The following TNS3 variants were observed in gnomAD, a reference collection of about 807,000 sequenced individuals.
The protein encoded by TNS3 is tensin 3, also known as tensin-3.
Under a neutral mutation model 140.9 loss-of-function variants are expected in TNS3, and 45 were observed. The ratio of observed to expected loss-of-function variants is 0.32; its 90% confidence interval spans 0.25 to 0.41. TNS3 has a LOEUF of 0.41. Among genes scored for constraint, TNS3 ranks in the 10% least tolerant of loss-of-function variants. TNS3 has a pLI of 1.00. For missense variants in TNS3, 1,716 were observed against 1,906.7 expected (o/e 0.90, Z 1.86); for synonymous variants, 815 against 788.4 (o/e 1.03, Z -0.56).
At chr7:47,360,739 G>A (rs1211913041) in intron 17 of TNS3, among the ~76,000 whole-genome samples, 3 of 152,152 alleles carry the variant, frequency 2.0e-5, no homozygotes, top group African/African-American at 7.2e-5. Context: ...GTCTATGCCT[G>A]GTGCTGCGGT....
chr7:47,438,346 T>C (rs1208742756), intron 6 of TNS3, among the ~76,000 whole-genome samples: 1 of 151,386 alleles, frequency 6.6e-6, no homozygotes, highest in Non-Finnish European at 1.5e-5. Context: ...CATGGTCTCT[T>C]TGGGGAAGGG....
chr7:47,565,172 G>A (rs1158062434), intron 1 of TNS3, among the ~76,000 whole-genome samples: 1 of 151,798 alleles, frequency 6.6e-6, no homozygotes, highest in African/African-American at 2.4e-5. Flanking sequence ...CCGCCTCCTG[G>A]GTTCACACCA....
Position 47,368,644 on chromosome 7 carries a change from T to C in TNS3, c.2002A>G (p.Arg668Gly), listed in dbSNP as rs778047232. The C allele has an allele frequency of 2.5e-6, 4 of 1,601,152 alleles. No homozygotes were observed. The highest frequency in any genetic ancestry group is 3.4e-5 in the Admixed American group (2 of 59,180). Residue 668 changes from arginine (R) to glycine (G), a missense_variant, in exon 17 of 31, where the codon AGG becomes GGG. Arg to Gly is a moderately radical substitution (Grantham distance 125). Around this residue, in one of 3 missense-constraint regions of TNS3, gnomAD observed 1,163 missense variants for 1,182.1 expected, o/e 0.98. Coordinates refer to ENST00000311160, the MANE Select transcript of TNS3 (RefSeq NM_022748.12). ...QPSPSKAFKP[R>G]FPGDQVVNGA... ...TTCACAACCTGGTCTCCTGGAAACC[T>C]GGGTTTGAACGCTTTGCTGGGAGAG...
chr7:47,369,660 G>T, intron 16 of TNS3, 39 bp from the exon 17 acceptor site: 1 of 1,519,418 alleles, frequency 6.6e-7, no homozygotes, highest in South Asian at 1.3e-5. Context: ...TTCAGTCAGG[G>T]ATGAAAGTGA....
chr7:47,561,046 G>T (rs1338764854), intron 1 of TNS3, among the ~76,000 whole-genome samples: 1 of 152,214 alleles, frequency 6.6e-6, no homozygotes, highest in Non-Finnish European at 1.5e-5. Flanking sequence ...GCACAGCGTG[G>T]TCACCTCTTT....
intron 3 of TNS3, among the ~76,000 whole-genome samples, chr7:47,505,688 A>G (rs959116841): frequency 1.3e-5 from 2 of 152,244 alleles, no homozygotes; most frequent in African/African-American, 4.8e-5. Context: ...GAAAAGAAAT[A>G]GAGCTATACT....
chr7:47,563,958 C>CGGAGG, intron 1 of TNS3, among the ~76,000 whole-genome samples: 1 of 152,086 alleles, frequency 6.6e-6, no homozygotes, highest in East Asian at 1.9e-4. Flanking sequence ...CTTTGGGAGG[C>CGGAGG]CAAGATGGGC....
chr7:47,579,678 G>T, intron 1 of TNS3: 1 of 196,904 alleles, frequency 5.1e-6, no homozygotes, highest in Non-Finnish European at 9.2e-6. Context: ...AAGGAATGGG[G>T]CACATAGAGT....
chr7:47,299,877 GA>G (rs1315435831), intron 23 of TNS3, among the ~76,000 whole-genome samples: 3 of 152,240 alleles, frequency 2.0e-5, no homozygotes, highest in South Asian at 2.1e-4. Flanking sequence ...AGACAGGGAT[GA>G]GGGGAGGGGA....
chr7:47,555,148 C>T (rs2151988676), intron 1 of TNS3, among the ~76,000 whole-genome samples: 1 of 152,218 alleles, frequency 6.6e-6, no homozygotes, highest in East Asian at 1.9e-4. Context: ...AGCCTGTAAT[C>T]CCAGCACTTT....
intron 16 of TNS3, among the ~76,000 whole-genome samples, chr7:47,376,285 G>A (rs890115489): frequency 1.3e-5 from 2 of 152,218 alleles, no homozygotes; most frequent in Non-Finnish European, 1.5e-5. Context: ...AGGGAAAGAC[G>A]GAGCAGTGTG....
intron 27 of TNS3, among the ~76,000 whole-genome samples, chr7:47,286,782 G>A (rs1259827499): frequency 6.6e-6 from 1 of 152,148 alleles, no homozygotes; most frequent in Admixed American, 6.5e-5. Flanking sequence ...ATAAGGAGGT[G>A]AATTATATGA....
chr7:47,514,636 T>A (rs1798720554), intron 2 of TNS3, among the ~76,000 whole-genome samples: 1 of 152,134 alleles, frequency 6.6e-6, no homozygotes, highest in South Asian at 2.1e-4. Flanking sequence ...CCTACAGCTG[T>A]CTCTCTTGTT....
At chr7:47,371,259 G>A (rs944954604) in intron 16 of TNS3, among the ~76,000 whole-genome samples, 1 of 152,238 alleles carries the variant, frequency 6.6e-6, no homozygotes, top group African/African-American at 2.4e-5. Flanking sequence ...CAGTCTCAGT[G>A]ACAGCTACTG....
At chr7:47,337,441 T>G (rs1225067924) in intron 20 of TNS3, among the ~76,000 whole-genome samples, 1 of 152,218 alleles carries the variant, frequency 6.6e-6, no homozygotes, top group Non-Finnish European at 1.5e-5. Context: ...TTATACTAAC[T>G]GCATACTAAT....
In TNS3 at chr7:47,303,122, C is replaced by T. The variant is rs377210447; in HGVS notation, c.3285G>A (p.Gln1095=). ...CCCGCTTCTTCTCAGGGAGGGGTGGCTGCCCGGGCAGGGTCACACCCTGGC... is the reference window on the plus strand; with the variant it reads ...CCCGCTTCTTCTCAGGGAGGGGTGGTTGCCCGGGCAGGGTCACACCCTGGC... ...LQGQGVTLPG[Q]PPLPEKKRAS... Residue 1095 remains glutamine, a synonymous_variant, in exon 22 of 31, where the codon CAG becomes CAA. Coordinates refer to ENST00000311160, the MANE Select transcript of TNS3 (RefSeq NM_022748.12). The T allele has an allele frequency of 1.5e-5, 24 of 1,613,992 alleles. No homozygotes were observed. The highest frequency in any genetic ancestry group is 3.3e-4 in the Middle Eastern group (2 of 6,062).
At chr7:47,559,788 G>A (rs1205421949) in intron 1 of TNS3, among the ~76,000 whole-genome samples, 2 of 152,114 alleles carry the variant, frequency 1.3e-5, no homozygotes, top group African/African-American at 2.4e-5. Flanking sequence ...CTTCATCAGG[G>A]CAATGGGCAG....
At chr7:47,373,251 G>A (rs1468334899) in intron 16 of TNS3, among the ~76,000 whole-genome samples, 2 of 152,128 alleles carry the variant, frequency 1.3e-5, no homozygotes, top group Non-Finnish European at 2.9e-5. Flanking sequence ...GTGTGTTCCT[G>A]GTCATGACAT....
intron 1 of TNS3, among the ~76,000 whole-genome samples, chr7:47,569,549 C>T (rs6463422): frequency 0.99 from 150,182 of 151,862 alleles, 74,284 homozygotes; most frequent in East Asian, 1. Context: ...ATCACAAACA[C>T]ACATACATAC....
Sources: gnomAD v4.1 joint callset for allele counts (sites outside exome capture counted in the v4.1 genomes callset) on GRCh38, gnomAD v4.1.1 for gene constraint, gnomAD v4.1.1 regional missense constraint, MANE v1.5 for transcripts, NCBI Gene and HGNC (gene_info 2026-07-23, HGNC 2026-07-21) for gene names.